EBF3: variants seen among roughly 807,000 people sequenced by gnomAD.
The protein encoded by EBF3 is EBF transcription factor 3.
A neutral mutation model predicts 77.1 loss-of-function variants in EBF3; 18 were observed. That is an observed-to-expected ratio of 0.23 (90% confidence interval 0.16 to 0.35). The LOEUF is 0.35. EBF3 is among the 10% of genes least tolerant of loss of function. The probability of loss-of-function intolerance (pLI) is 1.00; values close to 1 mark genes in which losing one functional copy is unlikely to be tolerated. For missense variants in EBF3, 558 were observed against 860.0 expected (o/e 0.65, Z 4.39); for synonymous variants, 350 against 343.5 (o/e 1.02, Z -0.21).
At chr10:129,904,733 T>C (rs76385309) in intron 6 of EBF3, among the ~76,000 whole-genome samples, 1 of 151,852 alleles carries the variant, frequency 6.6e-6, no homozygotes, top group Non-Finnish European at 1.5e-5. Context: ...TAGATCTCTC[T>C]ATCCATCCAT....
intron 9 of EBF3, 54 bp from the exon 10 acceptor site, chr10:129,867,321 G>A: frequency 6.2e-7 from 1 of 1,604,816 alleles, no homozygotes; most frequent in African/African-American, 1.3e-5. Flanking sequence ...ATGAGAGGCG[G>A]ACACTTGCCA....
rs745731802 is a variant in EBF3, at chr10:129,843,146, G to A, written c.1185C>T (p.His395=). The change falls in exon 12 of 17, where the codon CAC becomes CAT. Residue 395 remains histidine (H), a synonymous_variant. Transcript: ENST00000440978. ...GCCGCCCTCCACCTACCTGGTTGTT[G>A]TGAGGCATTCCGTATAAGGCTTCCA... ...DLVEALYGMP[H]NNQEIILKRA... 29 of 1,613,430 alleles carry A rather than the reference G, an allele frequency of 1.8e-5. No individual in the cohort carries two copies. The highest frequency in any genetic ancestry group is 2.4e-5 in the Non-Finnish European group (28 of 1,179,688).
chr10:129,846,108 TTGTGTGTGTGTG>T (rs10530522), intron 11 of EBF3, among the ~76,000 whole-genome samples: 15,964 of 139,648 alleles, frequency 0.11, 1,020 homozygotes, highest in East Asian at 0.29. Flanking sequence ...ATTCTGGGCT[TTGTGTGTGTGTG>T]TGTGTGTGTG....
intron 10 of EBF3, among the ~76,000 whole-genome samples, chr10:129,855,207 C>T (rs1479369415): frequency 6.6e-6 from 1 of 152,106 alleles, no homozygotes; most frequent in Non-Finnish European, 1.5e-5. Flanking sequence ...TCCTTCGTAT[C>T]GGGAATATTG....
rs550452996 is a variant in EBF3, at chr10:129,944,748, G to A, written c.554+12510C>T. 6.6e-6 allele frequency among the ~76,000 whole-genome samples: 1 copy of A among 151,986 alleles called. No homozygotes were observed. The highest frequency in any genetic ancestry group is 2.4e-5 in the African/African-American group (1 of 41,472). Reference sequence around the variant, plus strand: ...GATTAAGATCCATAAAAATTCAATAGCTTTTCTTCTGCAATTCACATTTTA... The same window carrying A: ...GATTAAGATCCATAAAAATTCAATAACTTTTCTTCTGCAATTCACATTTTA... On this transcript the variant is annotated intron_variant, in intron 6 of 16. Transcript: ENST00000440978. This position sits in a 1 kb window ranked among gnomAD's most constrained non-coding sequence, Gnocchi z 5.1.
At chr10:129,900,629 A>G (rs1854713874) in intron 6 of EBF3, among the ~76,000 whole-genome samples, 1 of 152,254 alleles carries the variant, frequency 6.6e-6, no homozygotes, top group Admixed American at 6.5e-5. Flanking sequence ...CTTTGAGGAA[A>G]TTTAACTTGA....
At chr10:129,914,139 C>T (rs1261782243) in intron 6 of EBF3, among the ~76,000 whole-genome samples, 2 of 152,200 alleles carry the variant, frequency 1.3e-5, no homozygotes, top group Non-Finnish European at 2.9e-5. Context: ...GGGCCAGGAA[C>T]CAAAGAGGAC....
Position 129,864,796 on chromosome 10 carries a change from C to T in EBF3, c.1039+2345G>A, listed in dbSNP as rs1385435507. ...CCGAAGCTCAGGTGCTGCTCCATGG[C>T]TCACAAGCAATAATCAACACCCGCT... On this transcript the variant is annotated intron_variant, in intron 10 of 16. Coordinates refer to ENST00000440978, the MANE Select transcript of EBF3 (RefSeq NM_001375380.1). This position sits in a 1 kb window ranked among gnomAD's most constrained non-coding sequence, Gnocchi z 4.4. Among the ~76,000 whole-genome samples the T allele has an allele frequency of 1.3e-5, 2 of 152,224 alleles. No homozygotes were observed. The highest frequency in any genetic ancestry group is 2.9e-5 in the Non-Finnish European group (2 of 68,042).
At chr10:129,866,260 C>T (rs1458891007) in intron 10 of EBF3, among the ~76,000 whole-genome samples, 1 of 152,068 alleles carries the variant, frequency 6.6e-6, no homozygotes. Context: ...TAGCTAGGAC[C>T]ACAGGCATAC....
At chr10:129,900,130 CTTT>C (rs1854678208) in intron 6 of EBF3, among the ~76,000 whole-genome samples, 1 of 152,188 alleles carries the variant, frequency 6.6e-6, no homozygotes, top group Non-Finnish European at 1.5e-5. Flanking sequence ...ATGTGCTCTT[CTTT>C]ATTTTCTGCT....
chr10:129,957,146 A>G (rs1859099777), intron 6 of EBF3, 112 bp downstream of exon 6: 3 of 942,268 alleles, frequency 3.2e-6, no homozygotes, highest in Non-Finnish European at 4.9e-6. Context: ...TGCAATGCAC[A>G]AGATGGGCTC....
chr10:129,872,870 C>G (rs954763629), intron 8 of EBF3, among the ~76,000 whole-genome samples: 1 of 152,164 alleles, frequency 6.6e-6, no homozygotes, highest in Non-Finnish European at 1.5e-5. Context: ...TACCTACCAC[C>G]CTTATGGAAA....
At chr10:129,866,215 G>C (rs114110539) in intron 10 of EBF3, among the ~76,000 whole-genome samples, 4 of 152,048 alleles carry the variant, frequency 2.6e-5, no homozygotes, top group Non-Finnish European at 5.9e-5. Context: ...TTGACCTCCC[G>C]GGCTCAGGTG....
intron 6 of EBF3, among the ~76,000 whole-genome samples, chr10:129,913,698 G>A (rs77696328): frequency 2.0e-5 from 3 of 152,208 alleles, no homozygotes; most frequent in Admixed American, 6.5e-5. Flanking sequence ...GATCACCACC[G>A]GTGAGGGGCC....
rs192580266 is a variant in EBF3, at chr10:129,868,419, T to A, written c.782-507A>T. 6.6e-5 allele frequency among the ~76,000 whole-genome samples: 10 copies of A among 152,260 alleles called. 1 individual carries two copies. The East Asian group carries it at 1.7e-3, about 26-fold the overall frequency. On this transcript the variant is annotated intron_variant, in intron 8 of 16. Transcript: ENST00000440978. ...CACAATTACTACTTTTCACTTTTCA[T>A]CAGGAAAAAAAATCAAAGGCACTAT...
intron 7 of EBF3, 36 bp from the exon 8 acceptor site, chr10:129,873,632 C>G (rs781344077): frequency 1.1e-5 from 16 of 1,468,166 alleles, no homozygotes; most frequent in Non-Finnish European, 1.4e-5. Context: ...ATGGAATTGG[C>G]AAAGAAAAGC....
intron 10 of EBF3, among the ~76,000 whole-genome samples, chr10:129,857,135 G>A (rs1281233029): frequency 6.6e-6 from 1 of 152,158 alleles, no homozygotes; most frequent in African/African-American, 2.4e-5. Context: ...TTAACTCCTG[G>A]TTTTTCAGGC....
Position 129,938,112 on chromosome 10 carries a change from AC to A in EBF3, c.554+19145del. ...AGAGACCACCATGTCCTTCAGCAGCACCTGGCAGGAGACTCTCTTCTGCTCC... is the reference window on the plus strand; with the variant it reads ...AGAGACCACCATGTCCTTCAGCAGCACTGGCAGGAGACTCTCTTCTGCTCC... On this transcript the variant is annotated intron_variant, in intron 6 of 16. Coordinates refer to ENST00000440978, the MANE Select transcript of EBF3 (RefSeq NM_001375380.1). This position sits in a 1 kb window ranked among gnomAD's most constrained non-coding sequence, Gnocchi z 5.1. 6.6e-6 allele frequency among the ~76,000 whole-genome samples: 1 copy of A among 152,258 alleles called. No homozygotes were observed. The highest frequency in any genetic ancestry group is 2.4e-5 in the African/African-American group (1 of 41,562).
At chr10:129,958,701 C>T (rs1011791991) in intron 5 of EBF3, among the ~76,000 whole-genome samples, 9 of 152,202 alleles carry the variant, frequency 5.9e-5, no homozygotes, top group Non-Finnish European at 8.8e-5. Flanking sequence ...TGCAACGACA[C>T]GGCCCACATA....
Sources: allele counts gnomAD v4.1 joint callset (sites outside exome capture counted in the v4.1 genomes callset), GRCh38; gene constraint gnomAD v4.1.1; non-coding constraint Gnocchi (gnomAD v3.1); transcripts MANE v1.5; gene names NCBI Gene and HGNC (gene_info 2026-07-23, HGNC 2026-07-21).